Variants in PPIL2 observed in about 807,000 individuals in gnomAD.
PPIL2 encodes the protein peptidylprolyl isomerase like 2.
In PPIL2, 50 loss-of-function variants were observed where a neutral mutation model predicts 75.2. The observed-to-expected ratio is 0.66, with a 90% CI of 0.53 to 0.84. PPIL2 has a LOEUF of 0.84. Among genes scored for constraint, PPIL2 ranks in the 40% least tolerant of loss-of-function variants. The pLI is 0.00. For missense variants in PPIL2, 590 were observed against 685.0 expected, an observed-to-expected ratio of 0.86 and a Z score of 1.55; for synonymous variants, 245 against 258.8, an observed-to-expected ratio of 0.95 and a Z score of 0.51.
intron 11 of PPIL2, 26 bp from the exon 12 acceptor site, chr22:21,686,866 G>C: frequency 6.2e-7 from 1 of 1,610,332 alleles, no homozygotes; most frequent in South Asian, 1.1e-5. Context: ...TGAGGGCAGG[G>C]GCTGAGCTGG....
rs1352796341 is a variant in PPIL2 at position 21,695,648 on chromosome 22, C to T, written c.*158C>T. 6 of 1,448,278 alleles carry T rather than the reference C, an allele frequency of 4.1e-6. No individual in the cohort carries two copies. Among genetic ancestry groups the T allele is most frequent in the Non-Finnish European group, 5.5e-6 (6 of 1,097,730 alleles). 89.7% of individuals were successfully genotyped at this position (1,448,278 alleles called of 1,614,324 possible). On this transcript the variant is annotated 3_prime_UTR_variant, in exon 20 of 20. Transcript: ENST00000398831. ...TTTCCTGGCCCCTGGGAGCCCACAG[C>T]CTTCCCATCCCTTAACCTGTTGCCA...
At chr22:21,686,400 G>T in intron 10 of PPIL2, 83 bp from the exon 11 acceptor site, 2 of 1,341,022 alleles carry the variant, frequency 1.5e-6, no homozygotes, top group South Asian at 2.4e-5. Flanking sequence ...GGTGGCGTGT[G>T]GTTGGCTTCT....
At chr22:21,692,562 C>A (rs1317956185) in intron 15 of PPIL2, among the ~76,000 whole-genome samples, 3 of 151,974 alleles carry the variant, frequency 2.0e-5, no homozygotes, top group Non-Finnish European at 2.9e-5. Flanking sequence ...ATTTGCTTCT[C>A]TTCTCTTTCT....
chr22:21,698,139 T>G (rs771054187), downstream of PPIL2: 1 of 152,058 alleles, frequency 6.6e-6, no homozygotes, highest in Non-Finnish European at 1.5e-5. Flanking sequence ...GTGGATATGG[T>G]CCTGTGAATA....
chr22:21,679,508 G>A (rs182532731), intron 6 of PPIL2, among the ~76,000 whole-genome samples: 49 of 152,100 alleles, frequency 3.2e-4, no homozygotes, highest in African/African-American at 9.1e-4. Context: ...AGGCTGAGGT[G>A]GGAGGATTAT....
intron 7 of PPIL2, 91 bp downstream of exon 7, chr22:21,681,481 T>C: frequency 1.7e-6 from 2 of 1,183,390 alleles, no homozygotes; most frequent in Non-Finnish European, 2.5e-6. Flanking sequence ...GTGCTACGTG[T>C]ACGGCCTGTC....
At position 21,669,945 on chromosome 22, in the gene PPIL2, A is replaced by G; in HGVS notation, c.65A>G (p.Tyr22Cys). Reference sequence around the variant, plus strand: ...ACCTGTGCTGAATACACTCACTTTTATGGTGGCAAGAAGCCAGGTAAGGCA... The same window carrying G: ...ACCTGTGCTGAATACACTCACTTTTGTGGTGGCAAGAAGCCAGGTAAGGCA... ...YITCAEYTHFYGGKKPDLPQT... is the reference protein window; with the variant it reads ...YITCAEYTHFCGGKKPDLPQT... The change falls in exon 2 of 20, where the codon TAT becomes TGT. Residue 22 changes from tyrosine to cysteine, a missense_variant. By Grantham distance (194) the Tyr-to-Cys change is radical. Coordinates refer to ENST00000398831, the MANE Select transcript of PPIL2 (RefSeq NM_014337.4). 6.2e-7 allele frequency: 1 copy of G among 1,613,982 alleles called. No individual in the cohort carries two copies. Among genetic ancestry groups the G allele is most frequent in the South Asian group, 1.1e-5 (1 of 91,082 alleles).
chr22:21,667,151 C>CG (rs2066420368), intron 1 of PPIL2, among the ~76,000 whole-genome samples: 1 of 104,490 alleles, frequency 9.6e-6, no homozygotes, highest in African/African-American at 3.4e-5. Flanking sequence ...CCTCAGTCCT[C>CG]ATTTTTTTTT....
At chr22:21,675,998 GT>G (rs2148514627) in intron 6 of PPIL2, among the ~76,000 whole-genome samples, 1 of 152,354 alleles carries the variant, frequency 6.6e-6, no homozygotes, top group South Asian at 2.1e-4. Flanking sequence ...TCTTTTGCCT[GT>G]GGAGATGCTA....
intron 6 of PPIL2, among the ~76,000 whole-genome samples, chr22:21,680,647 G>A (rs1217067147): frequency 1.3e-5 from 2 of 151,794 alleles, no homozygotes; most frequent in African/African-American, 2.4e-5. Flanking sequence ...GGCTAACATG[G>A]TGAAACCCCA....
In PPIL2 at chr22:21,696,452, C is replaced by T; in HGVS notation, c.*962C>T. On this transcript the variant is annotated 3_prime_UTR_variant, in exon 20 of 20. Transcript: ENST00000398831. The stretch of plus-strand genomic sequence containing the variant: ...GGCTCCAAGACTCTGCTCCTCCTGT[C>T]AGTCACTGACTCTGATGGCCTTGGG... 2 of 1,200,522 alleles carry T rather than the reference C, an allele frequency of 1.7e-6. No individual in the cohort carries two copies. Among genetic ancestry groups the T allele is most frequent in the Non-Finnish European group, 1.0e-6 (1 of 953,820 alleles). The allele number at this position is 1,200,522 out of a possible 1,614,324, so 74.4% of individuals were successfully genotyped here.
Position 21,671,012 on chromosome 22 carries a change from C to T in PPIL2, c.144C>T (p.Pro48=), listed in dbSNP as rs1009725789. The T allele has an allele frequency of 6.2e-7, 1 of 1,613,174 alleles. No homozygotes were observed. Among genetic ancestry groups the T allele is most frequent in the East Asian group, 2.2e-5 (1 of 44,876 alleles). The change falls in exon 4 of 20, where the codon CCC becomes CCT. Residue 48 remains proline (P), a synonymous_variant. Transcript: ENST00000398831. ...PFDHCSLSLQ[P]FVYPVCTPDG... is the part of the protein sequence containing the mutation. ...CCTTTTTCAGTCTCTCTCTGCAGCC[C>T]TTTGTCTACCCAGTCTGCACTCCCG...
intron 10 of PPIL2, 74 bp downstream of exon 10, chr22:21,684,987 C>A (rs1312297774): frequency 6.4e-7 from 1 of 1,561,184 alleles, no homozygotes; most frequent in Non-Finnish European, 8.7e-7. Context: ...TGGAGTGGTC[C>A]TGGGAAAGGG....
intron 6 of PPIL2, among the ~76,000 whole-genome samples, chr22:21,679,310 A>C (rs2067007897): frequency 1.3e-5 from 2 of 151,878 alleles, no homozygotes; most frequent in Non-Finnish European, 2.9e-5. Flanking sequence ...CCCCCACCAA[A>C]AAAAAACAGC....
At chr22:21,674,457 A>G (rs2066753716) in intron 5 of PPIL2, among the ~76,000 whole-genome samples, 1 of 152,236 alleles carries the variant, frequency 6.6e-6, no homozygotes, top group Admixed American at 6.5e-5. Flanking sequence ...TGTATTTCTT[A>G]CTTTCTCCCC....
chr22:21,672,483 A>AC (rs2066673788), intron 5 of PPIL2, 102 bp downstream of exon 5: 1 of 1,211,370 alleles, frequency 8.3e-7, no homozygotes, highest in Non-Finnish European at 1.2e-6. Context: ...ATGGGAGAGA[A>AC]CCGTTCATGG....
chr22:21,687,749 A>T lies in PPIL2; in HGVS notation c.987+17A>T. The T allele has an allele frequency of 6.2e-7, 1 of 1,603,170 alleles. No homozygotes were observed. The highest frequency in any genetic ancestry group is 2.2e-5 in the East Asian group (1 of 44,820). On this transcript the variant is annotated intron_variant, in intron 13 of 19. Transcript: ENST00000398831. Reference sequence around the variant, plus strand: ...AACTTTGTGGTGAGTGACGAGAGTCACTGGCTGCACAGATGAGCTTGGTGG... The same window carrying T: ...AACTTTGTGGTGAGTGACGAGAGTCTCTGGCTGCACAGATGAGCTTGGTGG...
intron 9 of PPIL2, among the ~76,000 whole-genome samples, chr22:21,684,144 C>G (rs553603235): frequency 6.6e-6 from 1 of 151,200 alleles, no homozygotes; most frequent in Non-Finnish European, 1.5e-5. Context: ...GAGGTGGAGG[C>G]TACAGTGAGC....
chr22:21,680,212 G>GT (rs1369577459), intron 6 of PPIL2, among the ~76,000 whole-genome samples: 1 of 151,888 alleles, frequency 6.6e-6, no homozygotes, highest in Admixed American at 6.6e-5. Context: ...TGGCCACTGG[G>GT]TGGGGACTTA....
Sources: gnomAD v4.1 joint callset for allele counts (sites outside exome capture counted in the v4.1 genomes callset) on GRCh38, gnomAD v4.1.1 for gene constraint, MANE v1.5 for transcripts, NCBI Gene and HGNC (gene_info 2026-07-23, HGNC 2026-07-21) for gene names.